Variants in DHX37 observed in about 807,000 individuals in gnomAD.
DHX37 encodes probable ATP-dependent RNA helicase DHX37.
Under a neutral mutation model 134.3 loss-of-function variants are expected in DHX37, and 52 were observed. The ratio of observed to expected loss-of-function variants is 0.39; its 90% CI spans 0.31 to 0.49. The LOEUF (loss-of-function observed/expected upper bound fraction) is 0.49. Ranked by LOEUF, DHX37 falls within the 20% of genes least tolerant of loss-of-function variation. The pLI, the probability that DHX37 is intolerant of heterozygous loss-of-function variation, is 0.93. For missense variants in DHX37, 1,344 were observed against 1,580.8 expected, an observed-to-expected ratio of 0.85 and a Z score of 2.54; for synonymous variants, 634 against 670.7, an observed-to-expected ratio of 0.95 and a Z score of 0.85.
chr12:124,958,856 T>C (rs931047535), intron 16 of DHX37, among the ~76,000 whole-genome samples: 6 of 151,124 alleles, frequency 4.0e-5, no homozygotes, highest in Non-Finnish European at 8.9e-5. Context: ...GAGCTCCTGA[T>C]GTTGTGATCC....
At chr12:124,967,094 C>A (rs759144031) in intron 11 of DHX37, 29 bp downstream of exon 11, 127 of 1,611,264 alleles carry the variant, frequency 7.9e-5, no homozygotes, top group Middle Eastern at 1.6e-4. Flanking sequence ...CTGCTCAGGG[C>A]AGAGTGCTGG....
chr12:124,969,099 CAAA>C (rs1302295052), intron 8 of DHX37, 131 bp from the exon 9 acceptor site: 8 of 841,906 alleles, frequency 9.5e-6, no homozygotes, highest in Non-Finnish European at 1.5e-5. Context: ...TTCTGGATGC[CAAA>C]GGCTCCTTGG....
intron 16 of DHX37, among the ~76,000 whole-genome samples, chr12:124,959,799 C>A (rs1954189832): frequency 6.6e-6 from 1 of 152,238 alleles, no homozygotes; most frequent in Non-Finnish European, 1.5e-5. Flanking sequence ...CATGTGGGTT[C>A]TGTCACTTAC....
At chr12:124,988,828 C>A in intron 1 of DHX37, 89 bp downstream of exon 1, 1 of 784,006 alleles carries the variant, frequency 1.3e-6, no homozygotes, top group Middle Eastern at 2.5e-4. Context: ...TCCCACCCCT[C>A]TGGGATCCCC....
intron 1 of DHX37, 122 bp from the exon 2 acceptor site, chr12:124,986,387 G>C: frequency 1.8e-6 from 2 of 1,084,674 alleles, no homozygotes; most frequent in Non-Finnish European, 2.7e-6. Context: ...GGGGATCTGT[G>C]AGCTCAAATC....
At chr12:124,959,516 C>T (rs1034445755) in intron 16 of DHX37, among the ~76,000 whole-genome samples, 1 of 152,166 alleles carries the variant, frequency 6.6e-6, no homozygotes, top group Admixed American at 6.5e-5. Flanking sequence ...AGCCACCAGG[C>T]CCGGCCAGCA....
At chr12:124,961,414 G>C (rs1184228376) in intron 15 of DHX37, among the ~76,000 whole-genome samples, 2 of 152,202 alleles carry the variant, frequency 1.3e-5, no homozygotes, top group Non-Finnish European at 2.9e-5. Flanking sequence ...CTAATATCCA[G>C]ATTATATTAT....
chr12:124,984,841 C>T (rs1317333949), intron 2 of DHX37, among the ~76,000 whole-genome samples: 1 of 152,182 alleles, frequency 6.6e-6, no homozygotes, highest in African/African-American at 2.4e-5. Context: ...TATCCCAGAA[C>T]TTGCGAACGT....
Position 124,989,074 on chromosome 12 carries a change from G to A in DHX37, c.-52C>T, listed in dbSNP as rs546695987. On this transcript the variant is annotated 5_prime_UTR_variant, in exon 1 of 27. Coordinates refer to ENST00000308736, the MANE Select transcript of DHX37 (RefSeq NM_032656.4). The stretch of plus-strand genomic sequence containing the variant: ...AGCGGCCGGACCAGCAGAGCAATCC[G>A]AAACCCAGCCCACGTGGGTTCCCAG... 6.9e-5 allele frequency: 85 copies of A among 1,236,322 alleles called. 1 individual carries two copies. The South Asian group carries it at 2.3e-3, about 34-fold the overall frequency. The allele number at this position is 1,236,322 out of a possible 1,614,324, so 76.6% of individuals were successfully genotyped here.
chr12:124,968,815 A>G (rs1954453275), intron 9 of DHX37, 52 bp downstream of exon 9: 5 of 1,609,482 alleles, frequency 3.1e-6, no homozygotes, highest in Admixed American at 1.7e-5. Flanking sequence ...TCCCGACACC[A>G]GGGCGTCCTT....
intron 21 of DHX37, among the ~76,000 whole-genome samples, chr12:124,951,555 CTG>C (rs1953978124): frequency 1.3e-5 from 2 of 152,166 alleles, no homozygotes; most frequent in Admixed American, 1.3e-4. Context: ...TTGCAAAACT[CTG>C]TGAAAATACT....
intron 24 of DHX37, 24 bp downstream of exon 24, chr12:124,950,125 G>A: frequency 6.2e-7 from 1 of 1,613,888 alleles, no homozygotes; most frequent in Admixed American, 1.7e-5. Flanking sequence ...CGAGATGAGG[G>A]TCTGGAGCCG....
chr12:124,985,502 C>T (rs556825435), intron 2 of DHX37, among the ~76,000 whole-genome samples: 22 of 150,512 alleles, frequency 1.5e-4, no homozygotes, highest in Admixed American at 3.3e-4. Context: ...TTTGGGAGGC[C>T]GAGGCGGGCG....
chr12:124,977,045 CAA>C (rs368454437), intron 5 of DHX37, among the ~76,000 whole-genome samples: 12 of 122,814 alleles, frequency 9.8e-5, no homozygotes, highest in Middle Eastern at 4.2e-3. Flanking sequence ...GACGCTGTCT[CAA>C]AAAAAAAAAA....
chr12:124,966,755 C>A (rs1356004054), intron 12 of DHX37, 38 bp downstream of exon 12: 1 of 1,606,616 alleles, frequency 6.2e-7, no homozygotes. Flanking sequence ...GACAACGCAG[C>A]CTTACTCTCC....
At chr12:124,979,167 G>C in intron 4 of DHX37, among the ~76,000 whole-genome samples, 1 of 152,070 alleles carries the variant, frequency 6.6e-6, no homozygotes, top group Non-Finnish European at 1.5e-5. Flanking sequence ...GGGAGTTCAA[G>C]ACCAGCCTGG....
At chr12:124,981,163 C>T (rs912388560) in intron 3 of DHX37, among the ~76,000 whole-genome samples, 2 of 152,198 alleles carry the variant, frequency 1.3e-5, no homozygotes, top group African/African-American at 4.8e-5. Context: ...TTACATCTCC[C>T]GCCATGACAC....
chr12:124,956,924 G>C (rs1427419973), intron 17 of DHX37, 45 bp from the exon 18 acceptor site: 1 of 1,549,900 alleles, frequency 6.5e-7, no homozygotes, highest in South Asian at 1.2e-5. Flanking sequence ...AGGAGCTCTG[G>C]AGCCACAGCT....
chr12:124,947,909 C>T (rs1161774240), intron 26 of DHX37, 22 bp from the exon 27 acceptor site: 1 of 1,610,002 alleles, frequency 6.2e-7, no homozygotes, highest in East Asian at 2.2e-5. Flanking sequence ...GGAAGGAGGA[C>T]AGTGTCAGGG....
Sources: allele counts gnomAD v4.1 joint callset (sites outside exome capture counted in the v4.1 genomes callset), GRCh38; gene constraint gnomAD v4.1.1; transcripts MANE v1.5; gene names NCBI Gene and HGNC (gene_info 2026-07-23, HGNC 2026-07-21).